Variants in ZNF83 observed in about 807,000 individuals in gnomAD.
The protein encoded by ZNF83 is zinc finger protein 83, also known as zinc finger protein 816B.
For missense variants in ZNF83, 552 were observed against 629.9 expected (o/e 0.88, Z 1.32); for synonymous variants, 209 against 213.0 (o/e 0.98, Z 0.17).
chr19:52,645,811 C>CCA (rs1555786960), intron 3 of ZNF83, among the ~76,000 whole-genome samples: 2 of 141,478 alleles, frequency 1.4e-5, no homozygotes, highest in African/African-American at 5.2e-5. Flanking sequence ...TGCCCCCCCC[C>CCA]AAAAAAAGGA....
chr19:52,614,306 T>A (rs1366351691), exon 3 of ZNF83: 1 of 1,613,838 alleles, frequency 6.2e-7, no homozygotes, highest in Non-Finnish European at 8.5e-7. Context: ...GTCCCAATAT[T>A]TGCTTTCTCT....
intron 2 of ZNF83, chr19:52,655,788 T>C (rs931146041): frequency 5.0e-6 from 3 of 604,610 alleles, no homozygotes; most frequent in Non-Finnish European, 8.8e-6. Flanking sequence ...TCCAAGACGG[T>C]GTTCTGACAA....
At chr19:52,625,927 T>C (rs2060721164) in intron 2 of ZNF83, among the ~76,000 whole-genome samples, 1 of 152,186 alleles carries the variant, frequency 6.6e-6, no homozygotes, top group Admixed American at 6.5e-5. Context: ...TTAGCACTTC[T>C]TCTCATCTTT....
upstream of ZNF83, among the ~76,000 whole-genome samples, chr19:52,640,942 C>T (rs1175474475): frequency 6.6e-6 from 1 of 152,114 alleles, no homozygotes; most frequent in Non-Finnish European, 1.5e-5. Context: ...AACCAATCCA[C>T]CAATCAGAAC....
At chr19:52,639,418 T>TTTTTC (rs1464660811), upstream of ZNF83, among the ~76,000 whole-genome samples, 190 of 93,188 alleles carry the variant, frequency 2.0e-3, 5 homozygotes, top group Middle Eastern at 6.1e-3. Context: ...TTTTTCTATT[T>TTTTTC]TTTTTTTTTT....
At chr19:52,622,885 A>G (rs1162390551) in intron 2 of ZNF83, among the ~76,000 whole-genome samples, 1 of 152,256 alleles carries the variant, frequency 6.6e-6, no homozygotes, top group East Asian at 1.9e-4. Context: ...GCCAAATGGC[A>G]ATGCATTTCT....
At chr19:52,653,511 A>G (rs754947269) in intron 3 of ZNF83, among the ~76,000 whole-genome samples, 2 of 152,186 alleles carry the variant, frequency 1.3e-5, no homozygotes, top group East Asian at 1.9e-4. Flanking sequence ...GAATTCGCCT[A>G]TGTGTTTCAA....
chr19:52,674,866 C>T (rs1208893277), intron 1 of ZNF83, among the ~76,000 whole-genome samples: 1 of 152,168 alleles, frequency 6.6e-6, no homozygotes, highest in Non-Finnish European at 1.5e-5. Flanking sequence ...CCATACAAAT[C>T]CCTATCAGTT....
At chr19:52,687,361 A>G (rs1172950979) in intron 1 of ZNF83, among the ~76,000 whole-genome samples, 1 of 83,776 alleles carries the variant, frequency 1.2e-5, no homozygotes, top group Non-Finnish European at 2.1e-5. Context: ...AGCTATATAA[A>G]TTATAATATA....
chr19:52,684,548 T>TAACAAA (rs2061981353), intron 1 of ZNF83, among the ~76,000 whole-genome samples: 1 of 124,988 alleles, frequency 8.0e-6, no homozygotes, highest in South Asian at 2.5e-4. Context: ...AGACTCTGTC[T>TAACAAA]AAAAAAAGAA....
Position 52,653,238 on chromosome 19 carries a change from C to A in ZNF83, c.-74+2323G>T, listed in dbSNP as rs567241174. The A allele has an allele frequency of 2.6e-6, 4 of 1,526,256 alleles. No individual in the cohort carries two copies. In the South Asian group the frequency reaches 4.5e-5, roughly 17 times the overall value. The allele number at this position is 1,526,256 out of a possible 1,614,324, so 94.5% of individuals were successfully genotyped here. ...CACACTCATTACACTTGTAAGGTTT[C>A]TCTCCAGTATGAAGCCTATAATGAC... On this transcript the variant is annotated intron_variant, in intron 3 of 5. Transcript: ENST00000594682.
At chr19:52,687,045 G>A (rs1461738322) in intron 1 of ZNF83, among the ~76,000 whole-genome samples, 1 of 151,732 alleles carries the variant, frequency 6.6e-6, no homozygotes, top group Non-Finnish European at 1.5e-5. Context: ...GCCCAGAGTG[G>A]TGGCGCATGC....
Position 52,626,843 on chromosome 19 carries a change from A to G in ZNF83, c.-234+8223T>C, listed in dbSNP as rs59169568. Among the ~76,000 whole-genome samples the G allele has an allele frequency of 9.2e-3, 1,396 of 152,158 alleles. 24 individuals carry two copies. The highest frequency in any genetic ancestry group is 0.031 in the African/African-American group (1,296 of 41,512). On this transcript the variant is annotated intron_variant, in intron 2 of 2. Transcript: ENST00000301096. ...CACCCCCAAAAATTTTTGCCACCCCAACACTTCACTATTTTGTTTTATTTT... is the reference window on the plus strand; with the variant it reads ...CACCCCCAAAAATTTTTGCCACCCCGACACTTCACTATTTTGTTTTATTTT...
At chr19:52,666,109 A>C (rs2061647460) in intron 1 of ZNF83, among the ~76,000 whole-genome samples, 1 of 149,740 alleles carries the variant, frequency 6.7e-6, no homozygotes, top group African/African-American at 2.5e-5. Context: ...GCTTGCAGTG[A>C]GCCAAGATCG....
At chr19:52,627,679 C>T (rs1264654517) in intron 2 of ZNF83, among the ~76,000 whole-genome samples, 1 of 152,164 alleles carries the variant, frequency 6.6e-6, no homozygotes, top group African/African-American at 2.4e-5. Flanking sequence ...ATATTGGGTA[C>T]TGGGCTTAAT....
At chr19:52,614,685 A>ATCTTGTATGTCGTGGCTT in exon 3 of ZNF83, 2 of 1,361,622 alleles carry the variant, frequency 1.5e-6, no homozygotes, top group East Asian at 5.4e-5. Context: ...TGAAGCAAAA[A>ATCTTGTATGTCGTGGCTT]TCTTGTATGT....
chr19:52,653,961 G>A, intron 3 of ZNF83: 2 of 1,289,190 alleles, frequency 1.6e-6, no homozygotes, highest in South Asian at 2.5e-5. Flanking sequence ...AATGGAGAAA[G>A]TTCTTCCCAT....
chr19:52,679,133 G>T (rs1445640824), intron 1 of ZNF83, among the ~76,000 whole-genome samples: 1 of 152,200 alleles, frequency 6.6e-6, no homozygotes, highest in Non-Finnish European at 1.5e-5. Flanking sequence ...ACACATATTG[G>T]TGTGAAAAAT....
At chr19:52,634,855 T>C (rs921635101) in intron 2 of ZNF83, among the ~76,000 whole-genome samples, 22 of 152,096 alleles carry the variant, frequency 1.4e-4, no homozygotes, top group African/African-American at 5.1e-4. Context: ...ACCAGGACCA[T>C]GCCCAGTGCA....
Sources: allele counts gnomAD v4.1 joint callset (sites outside exome capture counted in the v4.1 genomes callset), GRCh38; gene constraint gnomAD v4.1.1; transcripts MANE v1.5; gene names NCBI Gene and HGNC (gene_info 2026-07-23, HGNC 2026-07-21).